Variants in AKIP1 observed in about 807,000 individuals in gnomAD.
AKIP1 encodes the protein A-kinase interacting protein 1.
In AKIP1, 18 loss-of-function variants were observed where a neutral mutation model predicts 22.3. That is an observed-to-expected ratio of 0.81 (90% CI 0.56 to 1.19). The LOEUF (loss-of-function observed/expected upper bound fraction) is 1.19. Ranked by LOEUF, AKIP1 falls within the 50% of genes most tolerant of loss-of-function variation. The pLI, the probability that AKIP1 is intolerant of heterozygous loss-of-function variation, is 0.00. For missense variants in AKIP1, 287 were observed against 264.6 expected (o/e 1.08, Z -0.59); for synonymous variants, 120 against 102.7 (o/e 1.17, Z -1.02).
intron 3 of AKIP1, among the ~76,000 whole-genome samples, chr11:8,913,013 T>C (rs1264975385): frequency 2.7e-5 from 4 of 149,830 alleles, no homozygotes; most frequent in Non-Finnish European, 5.9e-5. Flanking sequence ...TAGCTGGGAC[T>C]ACAGGCGCCC....
At position 8,919,393 on chromosome 11, in the gene AKIP1, C is replaced by T; in HGVS notation, c.546C>T (p.Val182=). The T allele has an allele frequency of 6.2e-7, 1 of 1,614,124 alleles. No homozygotes were observed. Among genetic ancestry groups the T allele is most frequent in the Non-Finnish European group, 8.5e-7 (1 of 1,179,948 alleles). The change falls in exon 6 of 6, where the codon GTC becomes GTT. Residue 182 remains valine (V), a synonymous_variant. Coordinates refer to ENST00000309377, the MANE Select transcript of AKIP1 (RefSeq NM_020642.4). ...YIEVYPGTYS[V]TVGSNDLTKK... ...AAGTATATCCAGGGACCTATTCTGT[C>T]ACTGTGGGCTCAAATGACTTAACCA...
At position 8,914,891 on chromosome 11, in the gene AKIP1, G is replaced by A. The variant is rs530376117; in HGVS notation, c.369G>A (p.Glu123=). The change falls in exon 4 of 6, where the codon GAG becomes GAA. Residue 123 remains glutamate, a synonymous_variant. Transcript: ENST00000309377. ...ATHVYRYHRG[E]SKLHMCLDIG... is the part of the protein sequence containing the mutation. ...ATGTCTATCGTTATCACAGAGGCGA[G>A]TCGAAGCTGCACATGTGCTTGGACA... 22 of 1,614,002 alleles carry A rather than the reference G, an allele frequency of 1.4e-5. 1 individual carries two copies. The South Asian group carries it at 2.1e-4, about 15-fold the overall frequency.
chr11:8,911,344 T>C lies in AKIP1; in HGVS notation c.-6-100T>C, dbSNP rs2064336675. 13 of 1,059,552 alleles carry C rather than the reference T, an allele frequency of 1.2e-5. No homozygotes were observed. The South Asian group carries it at 2.0e-4, about 16-fold the overall frequency. 65.6% of individuals were successfully genotyped at this position (1,059,552 alleles called of 1,614,324 possible). The stretch of plus-strand genomic sequence containing the variant: ...GTTGGGGGCGGACCAGGAGCGGTGG[T>C]CTCCAGGGAGGTCGAGGCTGGGGCT... On this transcript the variant is annotated intron_variant, in intron 1 of 5. Coordinates refer to ENST00000309377, the MANE Select transcript of AKIP1 (RefSeq NM_020642.4).
At position 8,917,267 on chromosome 11, in the gene AKIP1, T is replaced by G. The variant is rs201049256; in HGVS notation, c.409-20T>G. The G allele has an allele frequency of 3.2e-6, 5 of 1,551,610 alleles. No individual in the cohort carries two copies. Among genetic ancestry groups the G allele is most frequent in the Non-Finnish European group, 4.4e-6 (5 of 1,134,114 alleles). ...AAGTGAAAGCTTGGGCACAAATCAGTGTTCTACTTGTCTCTTCAGAGAAAA... is the reference window on the plus strand; with the variant it reads ...AAGTGAAAGCTTGGGCACAAATCAGGGTTCTACTTGTCTCTTCAGAGAAAA... On this transcript the variant is annotated intron_variant, in intron 4 of 5. Coordinates refer to ENST00000309377, the MANE Select transcript of AKIP1 (RefSeq NM_020642.4).
At position 8,916,442 on chromosome 11, in the gene AKIP1, G is replaced by A. The variant is rs368234294; in HGVS notation, c.409-845G>A. Among the ~76,000 whole-genome samples, 54 of 152,304 alleles carry A rather than the reference G, an allele frequency of 3.5e-4. No homozygotes were observed. The Middle Eastern group carries it at 0.017, about 48-fold the overall frequency. On this transcript the variant is annotated intron_variant, in intron 4 of 5. Transcript: ENST00000309377. ...ATTGAACTGATTCAAAGGAGGAGGT[G>A]GTGGTGGTGGTTTCTGAGGAGACTA...
At chr11:8,912,564 A>T in intron 3 of AKIP1, 31 bp downstream of exon 3, 1 of 1,577,108 alleles carries the variant, frequency 6.3e-7, no homozygotes. Context: ...ACTATGCCCC[A>T]TCACCTGCTG....
At position 8,911,604 on chromosome 11, in the gene AKIP1, T is replaced by C. The variant is rs144370960; in HGVS notation, c.155T>C (p.Leu52Pro). Reference sequence around the variant, plus strand: ...CGTCCCAAAGGCTGCATGGGGGTCCTTGCCCGGGAGGCGCCCCACCTAGAG... The same window carrying C: ...CGTCCCAAAGGCTGCATGGGGGTCCCTGCCCGGGAGGCGCCCCACCTAGAG... ...LERPKGCMGV[L>P]AREAPHLEKQ... Residue 52 changes from leucine to proline, a missense_variant, in exon 2 of 6, where the codon CTT becomes CCT. Leu to Pro is a moderately conservative substitution (Grantham distance 98, BLOSUM62 -3). Coordinates refer to ENST00000309377, the MANE Select transcript of AKIP1 (RefSeq NM_020642.4). The C allele has an allele frequency of 4.6e-4, 740 of 1,605,584 alleles. 4 individuals carry two copies. The African/African-American group carries it at 9.0e-3, about 20-fold the overall frequency.
At position 8,914,799 on chromosome 11, in the gene AKIP1, C is replaced by T. The variant is rs1040574576; in HGVS notation, c.304-27C>T. 4 of 1,558,092 alleles carry T rather than the reference C, an allele frequency of 2.6e-6. No homozygotes were observed. The African/African-American group carries it at 5.4e-5, about 21-fold the overall frequency. On this transcript the variant is annotated intron_variant, in intron 3 of 5. Transcript: ENST00000309377. ...AAATTTGACAAGACAATTTGGTTAG[C>T]TAACATCTTTGACATTACGTCTCTA...
intron 3 of AKIP1, among the ~76,000 whole-genome samples, chr11:8,914,363 C>G (rs988632920): frequency 3.9e-5 from 6 of 152,170 alleles, no homozygotes; most frequent in Non-Finnish European, 7.3e-5. Flanking sequence ...CAGAGCAGCT[C>G]TTGGGTTTGT....
In AKIP1 at chr11:8,920,050, A is replaced by G. The variant is rs2064558103; in HGVS notation, c.*570A>G. 1.6e-5 allele frequency: 3 copies of G among 193,364 alleles called. No individual in the cohort carries two copies. The highest frequency in any genetic ancestry group is 6.0e-5 in the Admixed American group (1 of 16,564). 12.0% of individuals were successfully genotyped at this position (193,364 alleles called of 1,614,324 possible). Reference sequence around the variant, plus strand: ...CTGCTTGCTTTCCAAGTAAAGGTTAATTATGATAATAAAGAGATTTGGAAA... The same window carrying G: ...CTGCTTGCTTTCCAAGTAAAGGTTAGTTATGATAATAAAGAGATTTGGAAA... On this transcript the variant is annotated 3_prime_UTR_variant, in exon 6 of 6. Transcript: ENST00000309377.
rs767853742 is a variant in AKIP1, at chr11:8,911,455, C to T, written c.6C>T (p.Asp2=). The change falls in exon 2 of 6, where the codon GAC becomes GAT. Residue 2 remains aspartate, a synonymous_variant. Coordinates refer to ENST00000309377, the MANE Select transcript of AKIP1 (RefSeq NM_020642.4). M[D]NCLAAAALNG... is the part of the protein sequence containing the mutation. Reference sequence around the variant, plus strand: ...GTGTGCCCACTCAGGGAGCCATGGACAACTGTTTGGCGGCCGCAGCGCTGA... The same window carrying T: ...GTGTGCCCACTCAGGGAGCCATGGATAACTGTTTGGCGGCCGCAGCGCTGA... 1.9e-6 allele frequency: 3 copies of T among 1,594,448 alleles called. No individual in the cohort carries two copies. Among genetic ancestry groups the T allele is most frequent in the South Asian group, 2.3e-5 (2 of 87,570 alleles).
chr11:8,913,376 CAG>C (rs1431932746), intron 3 of AKIP1, among the ~76,000 whole-genome samples: 4 of 151,924 alleles, frequency 2.6e-5, no homozygotes, highest in African/African-American at 9.7e-5. Flanking sequence ...TTAGTAGAGA[CAG>C]GGCTTCACCA....
chr11:8,913,535 A>G (rs1227639925), intron 3 of AKIP1, among the ~76,000 whole-genome samples: 1 of 152,192 alleles, frequency 6.6e-6, no homozygotes, highest in Non-Finnish European at 1.5e-5. Context: ...GCCAGAAAAC[A>G]TTCAAGGAAA....
intron 5 of AKIP1, 68 bp downstream of exon 5, chr11:8,917,435 T>C (rs2064503385): frequency 8.7e-7 from 1 of 1,153,348 alleles, no homozygotes; most frequent in South Asian, 1.2e-5. Context: ...GTTGACATGG[T>C]TCTTAGAGGG....
chr11:8,913,701 A>G (rs1262479425), intron 3 of AKIP1, among the ~76,000 whole-genome samples: 2 of 152,202 alleles, frequency 1.3e-5, no homozygotes, highest in African/African-American at 4.8e-5. Flanking sequence ...TCAGTTTCAT[A>G]TGTTAAGATC....
chr11:8,911,963 C>A (rs924768591), intron 2 of AKIP1, among the ~76,000 whole-genome samples: 1 of 150,626 alleles, frequency 6.6e-6, no homozygotes, highest in Admixed American at 6.6e-5. Context: ...TTTGGGAGGC[C>A]GAGGCGGGCG....
intron 3 of AKIP1, among the ~76,000 whole-genome samples, chr11:8,913,313 G>A (rs1043311003): frequency 6.7e-6 from 1 of 150,170 alleles, no homozygotes; most frequent in South Asian, 2.1e-4. Flanking sequence ...TCAGCCTCCC[G>A]AGTAGCTGGG....
intron 5 of AKIP1, among the ~76,000 whole-genome samples, chr11:8,918,668 C>A (rs2064525485): frequency 6.6e-6 from 1 of 152,194 alleles, no homozygotes; most frequent in South Asian, 2.1e-4. Context: ...CTGATGTAAT[C>A]TACCAGCCAT....
chr11:8,912,564 A>G (rs1338454729), intron 3 of AKIP1, 31 bp downstream of exon 3: 4 of 1,577,108 alleles, frequency 2.5e-6, no homozygotes, highest in Non-Finnish European at 2.6e-6. Flanking sequence ...ACTATGCCCC[A>G]TCACCTGCTG....
Sources: allele counts gnomAD v4.1 joint callset (sites outside exome capture counted in the v4.1 genomes callset), GRCh38; gene constraint gnomAD v4.1.1; transcripts MANE v1.5; gene names NCBI Gene and HGNC (gene_info 2026-07-23, HGNC 2026-07-21).